The following SNRPN variants were observed in gnomAD, a reference collection of about 807,000 sequenced individuals.
SNRPN encodes small nuclear ribonucleoprotein-associated protein N.
In SNRPN, 7 loss-of-function variants were observed where a neutral mutation model predicts 25.2. The ratio of observed to expected loss-of-function variants is 0.28; its 90% confidence interval spans 0.16 to 0.52. The LOEUF (loss-of-function observed/expected upper bound fraction) is 0.52, where lower values mean the gene tolerates loss of function less well. Ranked by LOEUF, SNRPN falls within the 20% of genes least tolerant of loss-of-function variation. The pLI is 0.96. For synonymous variants in SNRPN, 124 were observed against 110.6 expected, an observed-to-expected ratio of 1.12 and a Z score of -0.76; for missense variants, 196 against 322.5, an observed-to-expected ratio of 0.61 and a Z score of 3.00.
Position 24,977,872 on chromosome 15 carries a change from G to A in SNRPN, c.515G>A (p.Arg172Gln), listed in dbSNP as rs1566978629. Reference sequence around the variant, plus strand: ...GCCCCAACACAGTACCCACCAGGACGGGGCACTCCGCCCCCACCCGTCGGC... The same window carrying A: ...GCCCCAACACAGTACCCACCAGGACAGGGCACTCCGCCCCCACCCGTCGGC... The part of the protein sequence containing the change: ...AGAPTQYPPG[R>Q]GTPPPPVGRA... Residue 172 changes from arginine (R) to glutamine (Q), a missense_variant, in exon 8 of 10, where the codon CGG becomes CAG. Coordinates refer to ENST00000390687, the MANE Select transcript of SNRPN (RefSeq NM_003097.6). The A allele has an allele frequency of 6.2e-7, 1 of 1,606,664 alleles. No homozygotes were observed. Among genetic ancestry groups the A allele is most frequent in the Non-Finnish European group, 8.5e-7 (1 of 1,176,026 alleles).
chr15:24,828,397 G>A (rs75672379), intron 1 of SNRPN, among the ~76,000 whole-genome samples: 2,764 of 152,052 alleles, frequency 0.018, 107 homozygotes, highest in African/African-American at 0.064. Context: ...CCTCAATAAC[G>A]CCATGTCATT....
intron 3 of SNRPN, among the ~76,000 whole-genome samples, chr15:24,927,947 T>C (rs541665604): frequency 2.0e-5 from 3 of 152,346 alleles, no homozygotes; most frequent in East Asian, 3.9e-4. Context: ...TTTACTATTG[T>C]GGTCGTCAAA....
intron 2 of SNRPN, among the ~76,000 whole-genome samples, chr15:24,888,923 T>C (rs1267273313): frequency 2.0e-5 from 3 of 152,082 alleles, no homozygotes; most frequent in Non-Finnish European, 4.4e-5. Context: ...CTTTTCTTTT[T>C]TTATTTTTTT....
At chr15:24,931,165 A>G (rs2060828070) in intron 3 of SNRPN, among the ~76,000 whole-genome samples, 1 of 152,172 alleles carries the variant, frequency 6.6e-6, no homozygotes, top group Non-Finnish European at 1.5e-5. Context: ...GGAACTTTGC[A>G]ATTAGTTTTG....
rs2075934752 is a variant in SNRPN at position 24,968,247 on chromosome 15, G to A, written c.-144+165G>A. ...AGTTTTGCAGGACCTTAAATTTTCT[G>A]CCCTGACACTTTCGTCATGTTTCTG... On this transcript the variant is annotated intron_variant, in intron 3 of 9. Transcript: ENST00000390687. 7.4e-6 allele frequency: 4 copies of A among 539,120 alleles called. No individual in the cohort carries two copies. The South Asian group carries it at 8.6e-5, about 12-fold the overall frequency. 33.4% of individuals were successfully genotyped at this position (539,120 alleles called of 1,614,324 possible). A position where few individuals can be genotyped will look rare whatever the true frequency, so the allele number is the denominator to read the frequency against.
intron 3 of SNRPN, among the ~76,000 whole-genome samples, chr15:24,922,330 A>G (rs2060081554): frequency 6.6e-6 from 1 of 152,204 alleles, no homozygotes; most frequent in African/African-American, 2.4e-5. Context: ...TCCTCTACAC[A>G]TTTCACTGAC....
intron 3 of SNRPN, among the ~76,000 whole-genome samples, chr15:24,936,130 T>C (rs2061224934): frequency 6.7e-6 from 1 of 149,704 alleles, no homozygotes; most frequent in African/African-American, 2.5e-5. Context: ...AAAAAAAAAA[T>C]TGTGTTATTT....
rs749365354 is a variant in SNRPN, at chr15:24,955,012, G to A, written c.-441G>A. On this transcript the variant is annotated 5_prime_UTR_variant, in exon 1 of 10. It removes an upstream start codon present in the reference 5' UTR. Transcript: ENST00000390687. ...GCAGAGTGGAGCGGCCGCCGGAGATGCCTGACGCATCTGTCTGAGGAGCGG... is the reference window on the plus strand; with the variant it reads ...GCAGAGTGGAGCGGCCGCCGGAGATACCTGACGCATCTGTCTGAGGAGCGG... The A allele has an allele frequency of 3.7e-6, 6 of 1,612,142 alleles. No individual in the cohort carries two copies. The highest frequency in any genetic ancestry group is 1.1e-5 in the South Asian group (1 of 90,806).
intron 2 of SNRPN, among the ~76,000 whole-genome samples, chr15:24,891,507 A>G (rs2057672700): frequency 6.6e-6 from 1 of 151,420 alleles, no homozygotes; most frequent in Admixed American, 6.6e-5. Flanking sequence ...GCGCAATCTC[A>G]GCTCACTGCA....
intron 1 of SNRPN, among the ~76,000 whole-genome samples, chr15:24,884,253 G>A (rs544176918): frequency 5.9e-5 from 9 of 152,080 alleles, no homozygotes; most frequent in African/African-American, 2.2e-4. Context: ...AGGATCGCTT[G>A]AGCCCAGAAG....
chr15:24,927,368 C>T (rs900967092), intron 3 of SNRPN, among the ~76,000 whole-genome samples: 3 of 151,996 alleles, frequency 2.0e-5, no homozygotes, highest in African/African-American at 7.3e-5. Context: ...GTGATCCTCC[C>T]ACCTTGACAT....
chr15:24,905,382 G>A (rs181745984), intron 2 of SNRPN, among the ~76,000 whole-genome samples: 190 of 151,508 alleles, frequency 1.3e-3, no homozygotes, highest in African/African-American at 3.3e-3. Flanking sequence ...GGTGGCGTGC[G>A]CCTGTAGTCT....
chr15:24,887,069 CATCTT>C (rs1004058905), intron 2 of SNRPN, among the ~76,000 whole-genome samples: 1 of 151,880 alleles, frequency 6.6e-6, no homozygotes, highest in African/African-American at 2.4e-5. Flanking sequence ...GTCCTTTCTC[CATCTT>C]ATCTTCTCCT....
At chr15:24,876,451 T>C (rs2055886698) in intron 1 of SNRPN, among the ~76,000 whole-genome samples, 1 of 152,014 alleles carries the variant, frequency 6.6e-6, no homozygotes, top group Non-Finnish European at 1.5e-5. Flanking sequence ...ACGTCTTCTC[T>C]GCTAAAAATA....
At chr15:24,868,275 T>C (rs1182539351) in intron 1 of SNRPN, among the ~76,000 whole-genome samples, 1 of 152,118 alleles carries the variant, frequency 6.6e-6, no homozygotes. Flanking sequence ...TGATAGAGTG[T>C]TATTTGAAAG....
In SNRPN at chr15:24,884,148, C is replaced by CAAAAAAAA. The variant is rs61039873; in HGVS notation, c.-578-2359_-578-2352dup. Among the ~76,000 whole-genome samples the CAAAAAAAA allele has an allele frequency of 1.6e-4, 17 of 104,852 alleles. 1 individual carries two copies. Among genetic ancestry groups the CAAAAAAAA allele is most frequent in the South Asian group, 1.1e-3 (3 of 2,834 alleles). 68.8% of individuals were successfully genotyped at this position (104,852 alleles called of 152,430 possible). On this transcript the variant is annotated intron_variant, in intron 1 of 11. Transcript: ENST00000400097. ...GCAACATGGCATAACCCTGCCTCTA[C>CAAAAAAAA]AAAAAAAAAAAAAAAAGATCTATAT...
At chr15:24,888,967 G>C (rs552662546) in intron 2 of SNRPN, among the ~76,000 whole-genome samples, 6 of 152,094 alleles carry the variant, frequency 3.9e-5, no homozygotes, top group African/African-American at 1.2e-4. Context: ...ACCCAGGCTG[G>C]AGTGCTGTGG....
intron 2 of SNRPN, among the ~76,000 whole-genome samples, chr15:24,966,673 C>A (rs185161727): frequency 6.6e-6 from 1 of 152,234 alleles, no homozygotes; most frequent in Non-Finnish European, 1.5e-5. Context: ...GGGTAAATTC[C>A]AAGGATGTAT....
In SNRPN at chr15:24,977,857, A is replaced by G. The variant is rs761114054; in HGVS notation, c.500A>G (p.Gln167Arg). The change falls in exon 8 of 10, where the codon CAG (glutamine) becomes CGG (arginine). Residue 167 changes from glutamine to arginine, a missense_variant. By Grantham distance (43) the Gln-to-Arg change is conservative. Transcript: ENST00000390687. ...ATASIAGAPTQYPPGRGTPPP... is the reference protein window; with the variant it reads ...ATASIAGAPTRYPPGRGTPPP... ...GCCAGTATTGCTGGAGCCCCAACAC[A>G]GTACCCACCAGGACGGGGCACTCCG... The G allele has an allele frequency of 1.2e-6, 2 of 1,613,480 alleles. No homozygotes were observed. Among genetic ancestry groups the G allele is most frequent in the Non-Finnish European group, 1.7e-6 (2 of 1,179,632 alleles).
Sources: gnomAD v4.1 joint callset for allele counts (sites outside exome capture counted in the v4.1 genomes callset) on GRCh38, gnomAD v4.1.1 for gene constraint, MANE v1.5 for transcripts, NCBI Gene and HGNC (gene_info 2026-07-23, HGNC 2026-07-21) for gene names.